UGT1A5: variants seen among roughly 807,000 people sequenced by gnomAD.
The protein encoded by UGT1A5 is UDP-glucuronosyltransferase 1A5.
In UGT1A5, 29 loss-of-function variants were observed where a neutral mutation model predicts 40.3. The observed-to-expected ratio is 0.72, with a 90% confidence interval of 0.54 to 0.98. UGT1A5 has a LOEUF of 0.98. Ranked by LOEUF, UGT1A5 falls within the 50% of genes least tolerant of loss-of-function variation. The pLI, the probability that UGT1A5 is intolerant of heterozygous loss-of-function variation, is 0.00. For missense variants in UGT1A5, 678 were observed against 677.9 expected (o/e 1.00, Z 0.00); for synonymous variants, 257 against 262.5 (o/e 0.98, Z 0.20).
intron 1 of UGT1A5, among the ~76,000 whole-genome samples, chr2:233,758,934 A>T (rs1366675557): frequency 1.3e-5 from 2 of 152,238 alleles, no homozygotes; most frequent in Non-Finnish European, 2.9e-5. Context: ...TTTTGACTTC[A>T]AATCAGTCAT....
At chr2:233,739,701 C>T (rs1691179218) in intron 1 of UGT1A5, among the ~76,000 whole-genome samples, 1 of 152,172 alleles carries the variant, frequency 6.6e-6, no homozygotes, top group Non-Finnish European at 1.5e-5. Flanking sequence ...ATTTTACAGG[C>T]TCATGGGGGA....
At chr2:233,744,012 G>A (rs541267003) in intron 1 of UGT1A5, 46 of 1,089,708 alleles carry the variant, frequency 4.2e-5, no homozygotes, top group Non-Finnish European at 4.8e-5. Context: ...GACCTGGGCC[G>A]CCTGGAGAGA....
At position 233,769,785 on chromosome 2, in the gene UGT1A5, T is replaced by G; in HGVS notation, c.1307+1346T>G. The G allele has an allele frequency of 7.5e-7, 1 of 1,329,352 alleles. No individual in the cohort carries two copies. Among genetic ancestry groups the G allele is most frequent in the Non-Finnish European group, 9.9e-7 (1 of 1,011,114 alleles). 82.3% of individuals were successfully genotyped at this position (1,329,352 alleles called of 1,614,324 possible). A position where few individuals can be genotyped will look rare whatever the true frequency, so the allele number is the denominator to read the frequency against. Reference sequence around the variant, plus strand: ...CGGGAGGATTGCTTGAGCCCAGAAGTTGGAGGCTGCTATGAGCCGTGATCA... The same window carrying G: ...CGGGAGGATTGCTTGAGCCCAGAAGGTGGAGGCTGCTATGAGCCGTGATCA... On this transcript the variant is annotated intron_variant, in intron 4 of 4. Coordinates refer to ENST00000373414, the MANE Select transcript of UGT1A5 (RefSeq NM_019078.2). The surrounding 1 kb of genome is among the most constrained non-coding windows in gnomAD (Gnocchi z 4.4).
intron 1 of UGT1A5, among the ~76,000 whole-genome samples, chr2:233,745,709 C>T (rs1276912783): frequency 6.8e-6 from 1 of 146,654 alleles, no homozygotes; most frequent in Non-Finnish European, 1.5e-5. Context: ...ACAAGTGATC[C>T]AGAATGGCTG....
At chr2:233,723,024 G>A (rs1419392823) in intron 1 of UGT1A5, among the ~76,000 whole-genome samples, 1 of 144,364 alleles carries the variant, frequency 6.9e-6, no homozygotes, top group Non-Finnish European at 1.5e-5. Flanking sequence ...AAGGTGGAAG[G>A]GCCAGCGGGA....
intron 1 of UGT1A5, among the ~76,000 whole-genome samples, chr2:233,759,718 G>C (rs914055324): frequency 2.0e-5 from 3 of 151,782 alleles, no homozygotes; most frequent in African/African-American, 7.3e-5. Context: ...TCGTGTGGTG[G>C]GCTCTGCTGC....
chr2:233,768,908 GA>G (rs1376378983), intron 4 of UGT1A5, among the ~76,000 whole-genome samples: 2 of 152,020 alleles, frequency 1.3e-5, no homozygotes, highest in African/African-American at 4.8e-5. Context: ...AGATAATTTA[GA>G]GGTTATTATT....
At position 233,713,041 on chromosome 2, in the gene UGT1A5, T is replaced by C. The variant is rs2076272665; in HGVS notation, c.50T>C (p.Leu17Pro). The C allele has an allele frequency of 6.2e-7, 1 of 1,614,036 alleles. No individual in the cohort carries two copies. The highest frequency in any genetic ancestry group is 1.1e-5 in the South Asian group (1 of 91,070). Residue 17 changes from leucine (L) to proline (P), a missense_variant, in exon 1 of 5, where the codon CTG (leucine) becomes CCG (proline). Leu to Pro is a moderately conservative substitution (Grantham distance 98). Transcript: ENST00000373414. Reference sequence around the variant, plus strand: ...CTGCCGCAGCTGGCCACAGGACTGCTGCTTCTCCTCAGTGTCCAGCCCTGG... The same window carrying C: ...CTGCCGCAGCTGGCCACAGGACTGCCGCTTCTCCTCAGTGTCCAGCCCTGG... ...VPLPQLATGL[L>P]LLLSVQPWAE...
intron 1 of UGT1A5, chr2:233,741,833 G>A (rs1278091039): frequency 6.6e-6 from 1 of 151,848 alleles, no homozygotes; most frequent in Non-Finnish European, 1.5e-5. Flanking sequence ...ATCCAGTTCA[G>A]TTGCCTTTTG....
At chr2:233,718,701 G>A in intron 1 of UGT1A5, 1 of 1,599,658 alleles carries the variant, frequency 6.3e-7, no homozygotes, top group Non-Finnish European at 8.5e-7. Context: ...AGGGCACTTT[G>A]TCTTCCAATT....
intron 1 of UGT1A5, among the ~76,000 whole-genome samples, chr2:233,749,628 C>A (rs1475485120): frequency 6.6e-6 from 1 of 151,798 alleles, no homozygotes; most frequent in Non-Finnish European, 1.5e-5. Context: ...GGCTCTGTAT[C>A]CCCCACCAAA....
At position 233,713,960 on chromosome 2, in the gene UGT1A5, A is replaced by T; in HGVS notation, c.867+102A>T. 4.4e-6 allele frequency: 7 copies of T among 1,607,060 alleles called. No homozygotes were observed. The East Asian group carries it at 1.3e-4, about 31-fold the overall frequency. The stretch of plus-strand genomic sequence containing the variant: ...TCCATATCTACTTATCTTTCCAAAG[A>T]TTTCATTTCTGCTTCTCATTGTTGT... On this transcript the variant is annotated intron_variant, in intron 1 of 4. Coordinates refer to ENST00000373414, the MANE Select transcript of UGT1A5 (RefSeq NM_019078.2).
intron 1 of UGT1A5, chr2:233,747,623 G>A: frequency 6.3e-7 from 1 of 1,577,752 alleles, no homozygotes; most frequent in Non-Finnish European, 8.7e-7. Flanking sequence ...ATGAGGCCCT[G>A]ATCAGGCACC....
chr2:233,740,736 C>T (rs1691460143), intron 1 of UGT1A5: 1 of 151,674 alleles, frequency 6.6e-6, no homozygotes, highest in African/African-American at 2.4e-5. Context: ...GGAAATGCCC[C>T]CTTTTACACT....
At chr2:233,752,806 A>T (rs1429691743) in intron 1 of UGT1A5, among the ~76,000 whole-genome samples, 1 of 152,230 alleles carries the variant, frequency 6.6e-6, no homozygotes, top group Non-Finnish European at 1.5e-5. Flanking sequence ...TGTAGAAGGA[A>T]CACTTCCCAT....
chr2:233,733,686 T>A (rs1338920576), intron 1 of UGT1A5, among the ~76,000 whole-genome samples: 1 of 152,244 alleles, frequency 6.6e-6, no homozygotes, highest in African/African-American at 2.4e-5. Context: ...AACTTTTTGA[T>A]GTGCTGCTGG....
At chr2:233,733,232 T>G (rs2078369792) in intron 1 of UGT1A5, among the ~76,000 whole-genome samples, 1 of 152,224 alleles carries the variant, frequency 6.6e-6, no homozygotes, top group Non-Finnish European at 1.5e-5. Flanking sequence ...GTTTTCTAAA[T>G]ATACAATCAT....
chr2:233,713,872 C>T lies in UGT1A5; in HGVS notation c.867+14C>T. 1 of 1,613,754 alleles carries T rather than the reference C, an allele frequency of 6.2e-7. No individual in the cohort carries two copies. The highest frequency in any genetic ancestry group is 8.5e-7 in the Non-Finnish European group (1 of 1,179,940). On this transcript the variant is annotated intron_variant, in intron 1 of 4. Coordinates refer to ENST00000373414, the MANE Select transcript of UGT1A5 (RefSeq NM_019078.2). ...CCACTATCTCAGGTCTGTATTGGTGCCTTTATCCAATCAATGTTCCAGGCA... is the reference window on the plus strand; with the variant it reads ...CCACTATCTCAGGTCTGTATTGGTGTCTTTATCCAATCAATGTTCCAGGCA...
chr2:233,713,060 G>A lies in UGT1A5; in HGVS notation c.69G>A (p.Gln23=), dbSNP rs2076274457. The A allele has an allele frequency of 6.2e-7, 1 of 1,614,168 alleles. No individual in the cohort carries two copies. Among genetic ancestry groups the A allele is most frequent in the South Asian group, 1.1e-5 (1 of 91,080 alleles). Residue 23 remains glutamine (Q), a synonymous_variant, in exon 1 of 5, where the codon CAG becomes CAA. Coordinates refer to ENST00000373414, the MANE Select transcript of UGT1A5 (RefSeq NM_019078.2). ...ATGLLLLLSV[Q]PWAESGKVLV... The stretch of plus-strand genomic sequence containing the variant: ...GACTGCTGCTTCTCCTCAGTGTCCA[G>A]CCCTGGGCTGAGAGTGGGAAGGTGC...
Sources: allele counts gnomAD v4.1 joint callset (sites outside exome capture counted in the v4.1 genomes callset), GRCh38; gene constraint gnomAD v4.1.1; non-coding constraint Gnocchi (gnomAD v3.1); transcripts MANE v1.5; gene names NCBI Gene and HGNC (gene_info 2026-07-23, HGNC 2026-07-21).